The following PLEKHG1 variants were observed in gnomAD, a reference collection of about 807,000 sequenced individuals.
PLEKHG1 encodes the protein pleckstrin homology and RhoGEF domain containing G1, also known as pleckstrin homology domain-containing family G member 1.
PLEKHG1 carries 44 observed loss-of-function variants against 100.8 expected under a neutral mutation model. That is an observed-to-expected ratio of 0.44 (90% CI 0.34 to 0.56). The LOEUF is 0.56. Among genes scored for constraint, PLEKHG1 ranks in the 20% least tolerant of loss-of-function variants. The probability of loss-of-function intolerance (pLI) is 0.01; values close to 1 mark genes in which losing one functional copy is unlikely to be tolerated. For synonymous variants in PLEKHG1, 640 were observed against 662.5 expected (o/e 0.97, Z 0.52); for missense variants, 1,545 against 1,720.9 (o/e 0.90, Z 1.81).
chr6:150,631,335 C>T (rs139438133), intron 1 of PLEKHG1, among the ~76,000 whole-genome samples: 4 of 152,344 alleles, frequency 2.6e-5, no homozygotes, highest in African/African-American at 9.6e-5. Flanking sequence ...CCCTCCTCCC[C>T]AGGTCTGCGT....
intron 2 of PLEKHG1, among the ~76,000 whole-genome samples, chr6:150,737,892 C>T (rs190108130): frequency 6.6e-5 from 10 of 151,952 alleles, no homozygotes; most frequent in East Asian, 3.9e-4. Flanking sequence ...CAGCCTCGAC[C>T]TCCTGGGCTC....
chr6:150,773,277 T>TA (rs1784795278), intron 3 of PLEKHG1, among the ~76,000 whole-genome samples: 2 of 152,192 alleles, frequency 1.3e-5, no homozygotes, highest in Non-Finnish European at 2.9e-5. Flanking sequence ...CTCACGTCTG[T>TA]AATCCCCGCA....
chr6:150,775,047 C>G (rs1784893915), intron 3 of PLEKHG1, among the ~76,000 whole-genome samples: 1 of 151,880 alleles, frequency 6.6e-6, no homozygotes, highest in Admixed American at 6.6e-5. Flanking sequence ...TTTTTGTGTT[C>G]TTTTTGATAC....
chr6:150,777,776 C>T (rs1004504378), intron 3 of PLEKHG1, among the ~76,000 whole-genome samples: 1 of 151,914 alleles, frequency 6.6e-6, no homozygotes, highest in African/African-American at 2.4e-5. Flanking sequence ...CTGATGCAAT[C>T]CTGGTGCACA....
intron 3 of PLEKHG1, chr6:150,663,240 C>A (rs1425195190): frequency 2.0e-5 from 3 of 152,152 alleles, no homozygotes; most frequent in African/African-American, 7.2e-5. Context: ...GTTTACATTT[C>A]TATATAGAGA....
exon 15 of PLEKHG1, chr6:150,832,130 A>C: frequency 6.2e-7 from 1 of 1,613,586 alleles, no homozygotes; most frequent in Non-Finnish European, 8.5e-7. Flanking sequence ...GCCGCCGGCC[A>C]GTCAGCATCA....
At chr6:150,606,507 G>A (rs367555673) in intron 1 of PLEKHG1, among the ~76,000 whole-genome samples, 1 of 152,138 alleles carries the variant, frequency 6.6e-6, no homozygotes, top group African/African-American at 2.4e-5. Flanking sequence ...TCCAAGCAGG[G>A]TTCTCTTCCA....
chr6:150,642,622 A>G (rs1409281738), intron 2 of PLEKHG1, among the ~76,000 whole-genome samples: 1 of 152,204 alleles, frequency 6.6e-6, no homozygotes, highest in African/African-American at 2.4e-5. Flanking sequence ...CAGCCATCCC[A>G]CTGGCTAAAG....
Position 150,818,452 on chromosome 6 carries a change from C to T in PLEKHG1, c.1312+236C>T, listed in dbSNP as rs559244760. On this transcript the variant is annotated intron_variant, in intron 11 of 15. Transcript: ENST00000358517. ...TGGCTGGCCACTGTTGGGGTTTCTG[C>T]ATCAACTAACAATGTCAGTTATGTC... Among the ~76,000 whole-genome samples, 3 of 152,308 alleles carry T rather than the reference C, an allele frequency of 2.0e-5. No individual in the cohort carries two copies. In the South Asian group the frequency reaches 6.2e-4, roughly 32 times the overall value.
chr6:150,802,178 G>A (rs1295969790), intron 6 of PLEKHG1, among the ~76,000 whole-genome samples: 3 of 152,030 alleles, frequency 2.0e-5, no homozygotes, highest in Non-Finnish European at 4.4e-5. Flanking sequence ...CAATTTCTTA[G>A]CTTTGTCTGT....
intron 1 of PLEKHG1, among the ~76,000 whole-genome samples, chr6:150,626,921 A>G (rs1260272794): frequency 6.6e-6 from 1 of 152,242 alleles, no homozygotes; most frequent in East Asian, 1.9e-4. Context: ...CTCAACCATT[A>G]GTAAACTCAG....
intron 3 of PLEKHG1, among the ~76,000 whole-genome samples, chr6:150,702,053 A>G (rs1233881821): frequency 1.3e-5 from 2 of 152,224 alleles, no homozygotes; most frequent in South Asian, 2.1e-4. Flanking sequence ...TCCATAATTC[A>G]CCCTTTAGTA....
Position 150,818,947 on chromosome 6 carries a change from G to A in PLEKHG1, c.1312+731G>A, listed in dbSNP as rs182475417. On this transcript the variant is annotated intron_variant, in intron 11 of 15. Transcript: ENST00000358517. Reference sequence around the variant, plus strand: ...CCTGGCACTTGTTAACTCCCCAGGGGGAAAAGCAGCATCAGCAAAGTGGAA... The same window carrying A: ...CCTGGCACTTGTTAACTCCCCAGGGAGAAAAGCAGCATCAGCAAAGTGGAA... Among the ~76,000 whole-genome samples the A allele has an allele frequency of 1.7e-3, 258 of 152,166 alleles. 1 individual carries two copies. Among genetic ancestry groups the A allele is most frequent in the Non-Finnish European group, 2.5e-3 (172 of 68,016 alleles).
chr6:150,640,647 C>T (rs932335129), intron 2 of PLEKHG1, among the ~76,000 whole-genome samples: 5 of 152,182 alleles, frequency 3.3e-5, no homozygotes, highest in Non-Finnish European at 5.9e-5. Context: ...TCCTCTCAGG[C>T]CTTGTGTAAG....
Position 150,776,481 on chromosome 6 carries a change from G to A in PLEKHG1, c.512+7743G>A, listed in dbSNP as rs1353836283. Among the ~76,000 whole-genome samples the A allele has an allele frequency of 1.5e-4, 19 of 130,158 alleles. 3 individuals carry two copies. Among genetic ancestry groups the A allele is most frequent in the African/African-American group, 6.2e-4 (17 of 27,332 alleles). The allele number at this position is 130,158 out of a possible 152,430, so 85.4% of individuals were successfully genotyped here. The stretch of plus-strand genomic sequence containing the variant: ...TTACTCACACTGATGCAATCCTGGC[G>A]TACATGTGCAGTTGCACATCAGCCA... On this transcript the variant is annotated intron_variant, in intron 3 of 15. Coordinates refer to ENST00000358517, the Ensembl canonical transcript of PLEKHG1.
Position 150,823,645 on chromosome 6 carries a change from A to G in PLEKHG1, c.1448-9A>G, listed in dbSNP as rs753085784. ...TTCTCAAACTTGAAAAAAAACTTTT[A>G]TTTTTCAGAAACAGCACAAGACATC... is the stretch of plus-strand genomic sequence containing the variant. On this transcript the variant is annotated splice_polypyrimidine_tract_variant and intron_variant, in intron 13 of 15. Transcript: ENST00000358517. 1.4e-5 allele frequency: 22 copies of G among 1,600,602 alleles called. 1 individual carries two copies. Among genetic ancestry groups the G allele is most frequent in the South Asian group, 3.3e-5 (3 of 90,644 alleles).
At chr6:150,781,841 G>A (rs1785329421) in intron 3 of PLEKHG1, among the ~76,000 whole-genome samples, 4 of 150,128 alleles carry the variant, frequency 2.7e-5, no homozygotes, top group African/African-American at 4.9e-5. Flanking sequence ...GCCCGATCTC[G>A]GCTCACTGCA....
intron 2 of PLEKHG1, among the ~76,000 whole-genome samples, chr6:150,647,971 C>G (rs1415101312): frequency 6.6e-6 from 1 of 151,878 alleles, no homozygotes; most frequent in Non-Finnish European, 1.5e-5. Context: ...CTAGATGATG[C>G]TTTTTTCTTT....
chr6:150,717,875 A>G (rs1781501538), upstream of PLEKHG1, among the ~76,000 whole-genome samples: 1 of 152,144 alleles, frequency 6.6e-6, no homozygotes, highest in African/African-American at 2.4e-5. Context: ...CAGGAGTTGG[A>G]GACCCGCCTC....
Sources: gnomAD v4.1 joint callset for allele counts (sites outside exome capture counted in the v4.1 genomes callset) on GRCh38, gnomAD v4.1.1 for gene constraint, MANE v1.5 for transcripts, NCBI Gene and HGNC (gene_info 2026-07-23, HGNC 2026-07-21) for gene names.